The following ULK4 variants were observed in gnomAD, a reference collection of about 807,000 sequenced individuals.
The protein encoded by ULK4 is inactive serine/threonine-protein kinase ULK4.
In ULK4, 133 loss-of-function variants were observed where a neutral mutation model predicts 160.6. The ratio of observed to expected loss-of-function variants is 0.83; its 90% CI spans 0.72 to 0.96. The LOEUF is 0.96. Ranked by LOEUF, ULK4 falls within the 40% of genes least tolerant of loss-of-function variation. The pLI, the probability that ULK4 is intolerant of heterozygous loss-of-function variation, is 0.00. For missense variants in ULK4, 1,580 were observed against 1,499.5 expected (o/e 1.05, Z -0.89); for synonymous variants, 534 against 539.8 (o/e 0.99, Z 0.15).
intron 19 of ULK4, among the ~76,000 whole-genome samples, chr3:41,804,266 T>TG (rs1431138586): frequency 2.0e-5 from 3 of 152,242 alleles, no homozygotes; most frequent in African/African-American, 7.2e-5. Context: ...ATGTGTTTTT[T>TG]GCCTGCATAA....
chr3:41,624,796 T>C (rs893477135), intron 30 of ULK4, among the ~76,000 whole-genome samples: 30 of 152,202 alleles, frequency 2.0e-4, no homozygotes, highest in African/African-American at 7.0e-4. Flanking sequence ...GAGTATTCCA[T>C]TGTGTACATA....
intron 35 of ULK4, among the ~76,000 whole-genome samples, chr3:41,369,591 G>A (rs762465190): frequency 1.3e-5 from 2 of 151,604 alleles, no homozygotes; most frequent in Admixed American, 6.6e-5. Flanking sequence ...TCAGGAGATC[G>A]AGACCATCCT....
rs546456940 is a variant in ULK4, at chr3:41,564,250, G to A, written c.3226+1775C>T. ...ATATTTTTGGCAGATCCTTCATCTG[G>A]AAGCTTCATCCCAGAGGGGTACCTG... On this transcript the variant is annotated intron_variant, in intron 32 of 36. Coordinates refer to ENST00000301831, the MANE Select transcript of ULK4 (RefSeq NM_017886.4). 1.1e-4 allele frequency among the ~76,000 whole-genome samples: 17 copies of A among 152,114 alleles called. No homozygotes were observed. The East Asian group carries it at 1.9e-3, about 17-fold the overall frequency.
chr3:41,803,644 C>A (rs1005898664), intron 19 of ULK4, among the ~76,000 whole-genome samples: 1 of 152,118 alleles, frequency 6.6e-6, no homozygotes, highest in African/African-American at 2.4e-5. Context: ...ACTCCCCCTA[C>A]CCCACAACAG....
At chr3:41,435,529 G>T (rs1020942925) in intron 34 of ULK4, among the ~76,000 whole-genome samples, 1 of 152,188 alleles carries the variant, frequency 6.6e-6, no homozygotes, top group Non-Finnish European at 1.5e-5. Context: ...AACTCAAATT[G>T]TTAAATAAGG....
intron 19 of ULK4, among the ~76,000 whole-genome samples, chr3:41,815,072 C>A (rs1226845757): frequency 6.6e-6 from 1 of 152,104 alleles, no homozygotes; most frequent in Non-Finnish European, 1.5e-5. Flanking sequence ...CCACGCCCGA[C>A]TAATTTTTGT....
rs1034940710 is a variant in ULK4, at chr3:41,647,568, G to T, written c.3071+16039C>A. On this transcript the variant is annotated intron_variant, in intron 30 of 36. Coordinates refer to ENST00000301831, the MANE Select transcript of ULK4 (RefSeq NM_017886.4). ...TTCCTCTGGAAGTTTTGTCTCAGAG[G>T]AGTACTGGGCCGTGTGAGGTGTCAG... Among the ~76,000 whole-genome samples the T allele has an allele frequency of 3.9e-5, 6 of 152,332 alleles. No homozygotes were observed. The South Asian group carries it at 1.2e-3, about 32-fold the overall frequency.
At chr3:41,649,179 T>A (rs1056766125) in intron 30 of ULK4, among the ~76,000 whole-genome samples, 2 of 151,600 alleles carry the variant, frequency 1.3e-5, no homozygotes, top group African/African-American at 4.8e-5. Flanking sequence ...ACTACTCAAC[T>A]TTGCCACTGT....
intron 35 of ULK4, among the ~76,000 whole-genome samples, chr3:41,384,193 G>T (rs1304148985): frequency 6.6e-6 from 1 of 151,990 alleles, no homozygotes; most frequent in Non-Finnish European, 1.5e-5. Context: ...TATAGTATAA[G>T]GGGCCACTAT....
intron 16 of ULK4, among the ~76,000 whole-genome samples, chr3:41,887,248 ATG>A (rs1697759487): frequency 6.6e-6 from 1 of 152,232 alleles, no homozygotes; most frequent in Non-Finnish European, 1.5e-5. Context: ...CAATAATAAT[ATG>A]TACCTCATGT....
Position 41,752,869 on chromosome 3 carries a change from T to G in ULK4, c.2321+1492A>C, listed in dbSNP as rs369126642. Among the ~76,000 whole-genome samples the G allele has an allele frequency of 3.2e-4, 49 of 152,288 alleles. 1 individual carries two copies. The South Asian group carries it at 9.8e-3, about 30-fold the overall frequency. On this transcript the variant is annotated intron_variant, in intron 22 of 36. Transcript: ENST00000301831. ...TCTCTTCTCCCTAACAGACCTGTAT[T>G]ACAAAAGAAAAATTTCATTCAGTTA... is the stretch of plus-strand genomic sequence containing the variant.
chr3:41,771,198 T>A (rs1390795533), intron 21 of ULK4, among the ~76,000 whole-genome samples: 1 of 152,200 alleles, frequency 6.6e-6, no homozygotes, highest in East Asian at 1.9e-4. Context: ...TACCACATAA[T>A]AATCTGTCAG....
intron 8 of ULK4, chr3:41,913,137 T>C (rs1163769178): frequency 2.9e-6 from 1 of 339,314 alleles, no homozygotes; most frequent in Non-Finnish European, 5.2e-6. Context: ...AACTAAGCAT[T>C]AGAAGTTTCA....
chr3:41,469,688 A>C (rs2083928214), intron 32 of ULK4, among the ~76,000 whole-genome samples: 1 of 149,442 alleles, frequency 6.7e-6, no homozygotes, highest in Admixed American at 6.6e-5. Context: ...ATGCAAGAAC[A>C]CAAGAATTAC....
Position 41,962,022 on chromosome 3 carries a change from G to A in ULK4, c.-55C>T, listed in dbSNP as rs1700694544. 6.6e-6 allele frequency: 1 copy of A among 152,516 alleles called. No homozygotes were observed. 9.4% of individuals were successfully genotyped at this position (152,516 alleles called of 1,614,324 possible). A position where few individuals can be genotyped will look rare whatever the true frequency, so the allele number is the denominator to read the frequency against. On this transcript the variant is annotated 5_prime_UTR_variant, in exon 1 of 37. Coordinates refer to ENST00000301831, the MANE Select transcript of ULK4 (RefSeq NM_017886.4). ...AACCGCCACTGCCACGCACCTGGTA[G>A]CTAAGTCAAGAAAAGAGTCCAGTCC...
At chr3:41,385,171 A>C (rs1217850589) in intron 35 of ULK4, among the ~76,000 whole-genome samples, 1 of 152,216 alleles carries the variant, frequency 6.6e-6, no homozygotes, top group African/African-American at 2.4e-5. Flanking sequence ...CTTTCACATG[A>C]TTTAGAAAAC....
chr3:41,869,485 G>T (rs891357014), intron 17 of ULK4, among the ~76,000 whole-genome samples: 1 of 152,100 alleles, frequency 6.6e-6, no homozygotes, highest in Non-Finnish European at 1.5e-5. Flanking sequence ...GGAGGTTGAG[G>T]CATGAGAATC....
intron 8 of ULK4, chr3:41,915,250 A>G (rs1465096427): frequency 2.6e-5 from 4 of 152,260 alleles, no homozygotes; most frequent in Non-Finnish European, 5.9e-5. Context: ...TACAGCTTAT[A>G]CAAAAATCAG....
intron 22 of ULK4, among the ~76,000 whole-genome samples, chr3:41,747,684 G>A (rs796461639): frequency 6.6e-6 from 1 of 152,020 alleles, no homozygotes; most frequent in South Asian, 2.1e-4. Context: ...CATGTGGGGG[G>A]GCACCTAATC....
Sources: gnomAD v4.1 joint callset for allele counts (sites outside exome capture counted in the v4.1 genomes callset) on GRCh38, gnomAD v4.1.1 for gene constraint, MANE v1.5 for transcripts, NCBI Gene and HGNC (gene_info 2026-07-23, HGNC 2026-07-21) for gene names.